Variants in TLK2 observed in about 807,000 individuals in gnomAD.
The protein encoded by TLK2 is tousled like kinase 2, also known as serine/threonine-protein kinase tousled-like 2.
TLK2 carries 6 observed loss-of-function variants against 117.3 expected under a neutral mutation model. The observed-to-expected ratio is 0.05, with a 90% CI of 0.03 to 0.10. The LOEUF (loss-of-function observed/expected upper bound fraction) is 0.10. TLK2 is among the 10% of genes least tolerant of loss of function. The pLI, the probability that TLK2 is intolerant of heterozygous loss-of-function variation, is 1.00. For missense variants in TLK2, 299 were observed against 901.2 expected (o/e 0.33, Z 8.56); for synonymous variants, 257 against 316.7 (o/e 0.81, Z 2.00).
chr17:62,478,720 C>A (rs1343188763), upstream of TLK2, among the ~76,000 whole-genome samples: 4 of 111,838 alleles, frequency 3.6e-5, no homozygotes, highest in African/African-American at 1.2e-4. Context: ...CCCCCTGCTC[C>A]CCCACTGTCG....
At chr17:62,485,816 G>GTTTTTTTTTTTTT (rs879159414) in intron 2 of TLK2, among the ~76,000 whole-genome samples, 1 of 122,562 alleles carries the variant, frequency 8.2e-6, no homozygotes, top group Non-Finnish European at 1.7e-5. Context: ...TAATTTTCTG[G>GTTTTTTTTTTTTT]TTTTTTTTTT....
At chr17:62,516,181 T>C in intron 2 of TLK2, 2 of 573,218 alleles carry the variant, frequency 3.5e-6, no homozygotes, top group Non-Finnish European at 6.2e-6. Context: ...CACCTCGGCC[T>C]CCCAAAGTGC....
intron 2 of TLK2, among the ~76,000 whole-genome samples, chr17:62,508,880 A>G (rs1186793996): frequency 6.6e-6 from 1 of 152,158 alleles, no homozygotes; most frequent in Non-Finnish European, 1.5e-5. Flanking sequence ...AGGCACAAGA[A>G]TCGCTTGAAC....
intron 10 of TLK2, among the ~76,000 whole-genome samples, chr17:62,564,176 G>A (rs1170650308): frequency 6.6e-6 from 1 of 152,098 alleles, no homozygotes; most frequent in Non-Finnish European, 1.5e-5. Flanking sequence ...GTGGAGGTGG[G>A]CTGATCACTT....
At chr17:62,474,035 A>G (rs1212895894), upstream of TLK2, among the ~76,000 whole-genome samples, 2 of 152,106 alleles carry the variant, frequency 1.3e-5, no homozygotes, top group Admixed American at 1.3e-4. Context: ...AGCTGGGACC[A>G]CGAGCATATG....
At chr17:62,478,272 C>A (rs1487556518), upstream of TLK2, among the ~76,000 whole-genome samples, 1 of 151,662 alleles carries the variant, frequency 6.6e-6, no homozygotes, top group African/African-American at 2.4e-5. Context: ...TAAACTCCAT[C>A]CCTGGGAAAA....
chr17:62,588,713 T>G (rs933343798), intron 16 of TLK2, among the ~76,000 whole-genome samples: 10 of 152,156 alleles, frequency 6.6e-5, no homozygotes, highest in Admixed American at 1.3e-4. Flanking sequence ...AATTCTTAAG[T>G]ACCTCCACCT....
At chr17:62,521,143 G>T (rs1408355746) in intron 3 of TLK2, among the ~76,000 whole-genome samples, 1 of 152,170 alleles carries the variant, frequency 6.6e-6, no homozygotes, top group Non-Finnish European at 1.5e-5. Flanking sequence ...CTGGGCGACA[G>T]AGTGAGACCC....
At chr17:62,553,000 G>C (rs925243476) in intron 8 of TLK2, among the ~76,000 whole-genome samples, 1 of 152,158 alleles carries the variant, frequency 6.6e-6, no homozygotes, top group African/African-American at 2.4e-5. Context: ...TTTAATTTAG[G>C]TAGTGTTCTG....
intron 7 of TLK2, among the ~76,000 whole-genome samples, chr17:62,536,881 GCTTA>G (rs1359453837): frequency 1.3e-5 from 2 of 152,176 alleles, no homozygotes; most frequent in African/African-American, 2.4e-5. Context: ...GCTCCTTTCA[GCTTA>G]CTTCTTTCTC....
In TLK2 at chr17:62,536,188, C is replaced by T; in HGVS notation, c.382C>T (p.Leu128Phe). 6.2e-7 allele frequency: 1 copy of T among 1,611,916 alleles called. No individual in the cohort carries two copies. Among genetic ancestry groups the T allele is most frequent in the Non-Finnish European group, 8.5e-7 (1 of 1,179,544 alleles). The change falls in exon 7 of 22, where the codon CTC (leucine) becomes TTC (phenylalanine). Residue 128 changes from leucine (L) to phenylalanine (F), a missense_variant. Coordinates refer to ENST00000346027, the MANE Select transcript of TLK2 (RefSeq NM_006852.6). ...NPLPRRVEQP[L>F]YGLDGSAAKE... is the part of the protein sequence containing the mutation. ...TTTCCAGCGACGAGTAGAACAGCCC[C>T]TCTATGGTTTAGATGGCAGTGCTGC...
chr17:62,482,610 T>C (rs1182860142), intron 2 of TLK2, among the ~76,000 whole-genome samples: 12 of 151,672 alleles, frequency 7.9e-5, no homozygotes, highest in Admixed American at 7.9e-4. Context: ...CCACCATGCC[T>C]GGTTAATTTT....
At chr17:62,559,367 A>ATT (rs563561365) in intron 9 of TLK2, among the ~76,000 whole-genome samples, 9 of 148,038 alleles carry the variant, frequency 6.1e-5, no homozygotes, top group Non-Finnish European at 1.0e-4. Context: ...ATTGTAGTTT[A>ATT]TTTTTTTTTT....
chr17:62,555,671 G>T (rs1424790720), intron 9 of TLK2, among the ~76,000 whole-genome samples: 2 of 151,862 alleles, frequency 1.3e-5, no homozygotes, highest in African/African-American at 4.8e-5. Context: ...TAGAGACGGG[G>T]TTTCACCATG....
At chr17:62,600,614 T>C (rs759768874) in intron 17 of TLK2, 37 bp from the exon 18 acceptor site, 52 of 1,556,452 alleles carry the variant, frequency 3.3e-5, no homozygotes, top group Non-Finnish European at 4.4e-5. Context: ...CTGCTTGCTC[T>C]TATTCCATGG....
intron 16 of TLK2, among the ~76,000 whole-genome samples, chr17:62,587,538 G>T (rs1031877815): frequency 6.6e-6 from 1 of 152,166 alleles, no homozygotes; most frequent in Admixed American, 6.5e-5. Flanking sequence ...TATACCTCTT[G>T]TTCATCAGGG....
chr17:62,602,622 A>G (rs570510714), intron 19 of TLK2, among the ~76,000 whole-genome samples: 37 of 152,258 alleles, frequency 2.4e-4, no homozygotes, highest in African/African-American at 8.9e-4. Context: ...GAAGATCAGG[A>G]TGAAACATAA....
chr17:62,601,973 GCTATTA>G, intron 18 of TLK2, 63 bp from the exon 19 acceptor site: 3 of 1,418,508 alleles, frequency 2.1e-6, no homozygotes, highest in Non-Finnish European at 2.9e-6. Flanking sequence ...CTTCTTATCT[GCTATTA>G]CTTTGGGTTT....
intron 2 of TLK2, among the ~76,000 whole-genome samples, chr17:62,496,828 G>T (rs1479803031): frequency 6.6e-6 from 1 of 151,790 alleles, no homozygotes; most frequent in Non-Finnish European, 1.5e-5. Flanking sequence ...ATGGTGGCAG[G>T]CGCCTGTAGT....
Sources: allele counts gnomAD v4.1 joint callset (sites outside exome capture counted in the v4.1 genomes callset), GRCh38; gene constraint gnomAD v4.1.1; transcripts MANE v1.5; gene names NCBI Gene and HGNC (gene_info 2026-07-23, HGNC 2026-07-21).